NDUFAF2: variants seen among roughly 807,000 people sequenced by gnomAD.
NDUFAF2 encodes the protein NADH dehydrogenase [ubiquinone] 1 alpha subcomplex assembly factor 2.
Under a neutral mutation model 22.8 loss-of-function variants are expected in NDUFAF2, and 13 were observed. The observed-to-expected ratio is 0.57, with a 90% CI of 0.37 to 0.91. The LOEUF (loss-of-function observed/expected upper bound fraction) is 0.91. Among genes scored for constraint, NDUFAF2 ranks in the 40% least tolerant of loss-of-function variants. NDUFAF2 has a pLI of 0.01. For synonymous variants in NDUFAF2, 53 were observed against 64.2 expected (o/e 0.83, Z 0.84); for missense variants, 162 against 195.2 (o/e 0.83, Z 1.01).
chr5:61,111,071 C>G (rs1194434321), intron 3 of NDUFAF2, among the ~76,000 whole-genome samples: 1 of 152,118 alleles, frequency 6.6e-6, no homozygotes, highest in Non-Finnish European at 1.5e-5. Context: ...TCTTCATTGA[C>G]CCACTGATCT....
rs778036837 is a variant in NDUFAF2, at chr5:61,152,692, A to G, written c.259-12A>G. 3 of 1,498,346 alleles carry G rather than the reference A, an allele frequency of 2.0e-6. No homozygotes were observed. Among genetic ancestry groups the G allele is most frequent in the African/African-American group, 1.4e-5 (1 of 70,114 alleles). The allele number at this position is 1,498,346 out of a possible 1,614,324, so 92.8% of individuals were successfully genotyped here. ...AAATTTAATAATTTCTTCCATTTATATATACATGCAGGAAATACTAAAGAA... is the reference window on the plus strand; with the variant it reads ...AAATTTAATAATTTCTTCCATTTATGTATACATGCAGGAAATACTAAAGAA... On this transcript the variant is annotated splice_polypyrimidine_tract_variant and intron_variant, in intron 3 of 3. Transcript: ENST00000296597.
intron 2 of NDUFAF2, among the ~76,000 whole-genome samples, chr5:61,084,528 T>G (rs1261683858): frequency 6.6e-6 from 1 of 152,220 alleles, no homozygotes. Flanking sequence ...TCCCTATGAA[T>G]CTGACTACTC....
At chr5:61,095,323 A>T (rs1232090405) in intron 2 of NDUFAF2, among the ~76,000 whole-genome samples, 1 of 152,174 alleles carries the variant, frequency 6.6e-6, no homozygotes, top group African/African-American at 2.4e-5. Context: ...CAAAGTTCAC[A>T]GGTTGGAACT....
intron 1 of NDUFAF2, among the ~76,000 whole-genome samples, chr5:61,038,027 G>A (rs1454221384): frequency 1.4e-5 from 2 of 144,038 alleles, no homozygotes; most frequent in Non-Finnish European, 3.0e-5. Flanking sequence ...ATTGAATATG[G>A]GTGATGGGAG....
chr5:61,151,882 G>A (rs1741245424), intron 3 of NDUFAF2, among the ~76,000 whole-genome samples: 1 of 152,122 alleles, frequency 6.6e-6, no homozygotes, highest in Non-Finnish European at 1.5e-5. Flanking sequence ...TTACTGTATT[G>A]CATTTATTTT....
intron 2 of NDUFAF2, among the ~76,000 whole-genome samples, chr5:61,085,666 G>C (rs1335425102): frequency 6.6e-6 from 1 of 152,042 alleles, no homozygotes; most frequent in East Asian, 1.9e-4. Context: ...AACTTTTCAA[G>C]ATACAGGGGA....
chr5:60,960,328 C>T (rs543355007), intron 1 of NDUFAF2, among the ~76,000 whole-genome samples: 5 of 152,122 alleles, frequency 3.3e-5, no homozygotes, highest in Admixed American at 6.5e-5. Context: ...TGTTGTGACT[C>T]GCTGTATTTG....
chr5:61,011,424 T>A (rs927800122), intron 1 of NDUFAF2, among the ~76,000 whole-genome samples: 1 of 152,036 alleles, frequency 6.6e-6, no homozygotes, highest in East Asian at 1.9e-4. Flanking sequence ...CTGGCAGTGG[T>A]TTTAGTTGGG....
chr5:60,969,285 C>T (rs1371528660), intron 1 of NDUFAF2, among the ~76,000 whole-genome samples: 3 of 152,070 alleles, frequency 2.0e-5, no homozygotes, highest in Non-Finnish European at 4.4e-5. Context: ...GAGGAAACTC[C>T]AAACTGTTAT....
intron 1 of NDUFAF2, among the ~76,000 whole-genome samples, chr5:60,971,144 G>GTT (rs113992508): frequency 4.5e-4 from 66 of 147,714 alleles, no homozygotes; most frequent in Admixed American, 1.4e-3. Context: ...TTCTTTTTTC[G>GTT]TTTTTTTTTT....
intron 1 of NDUFAF2, among the ~76,000 whole-genome samples, chr5:60,946,544 A>G (rs1580060960): frequency 6.6e-6 from 1 of 152,230 alleles, no homozygotes; most frequent in Non-Finnish European, 1.5e-5. Flanking sequence ...TGCAAAGAAC[A>G]TAGCATGGTG....
intron 1 of NDUFAF2, among the ~76,000 whole-genome samples, chr5:61,020,614 G>T (rs758150121): frequency 6.6e-6 from 1 of 151,398 alleles, no homozygotes; most frequent in African/African-American, 2.4e-5. Flanking sequence ...ATGAGGTCTC[G>T]CTGTGTTGCC....
At chr5:60,982,686 G>C (rs1391312642) in intron 1 of NDUFAF2, among the ~76,000 whole-genome samples, 4 of 151,700 alleles carry the variant, frequency 2.6e-5, no homozygotes, top group Admixed American at 2.6e-4. Flanking sequence ...TACTGAGAAT[G>C]ATGGTTTCCA....
intron 3 of NDUFAF2, among the ~76,000 whole-genome samples, chr5:61,112,386 G>T (rs1561568734): frequency 6.6e-6 from 1 of 151,796 alleles, no homozygotes. Flanking sequence ...GCTAATTTTT[G>T]TATTTTTAGT....
At chr5:61,026,916 T>C (rs1751657249) in intron 1 of NDUFAF2, among the ~76,000 whole-genome samples, 1 of 151,882 alleles carries the variant, frequency 6.6e-6, no homozygotes, top group Non-Finnish European at 1.5e-5. Context: ...CTTAGGAGTG[T>C]GTTCATTGTT....
In NDUFAF2 at chr5:61,067,859, G is replaced by A. The variant is rs976290857; in HGVS notation, c.128-5266G>A. Among the ~76,000 whole-genome samples, 6 of 152,000 alleles carry A rather than the reference G, an allele frequency of 3.9e-5. No homozygotes were observed. In the East Asian group the frequency reaches 5.8e-4, roughly 15 times the overall value. On this transcript the variant is annotated intron_variant, in intron 1 of 3. Coordinates refer to ENST00000296597, the MANE Select transcript of NDUFAF2 (RefSeq NM_174889.5). ...TTTTTAATGATTGCCATTCTAACTG[G>A]TGTGAGATGGTATCTCACTGTGGTT...
chr5:60,954,139 A>G (rs995590087), intron 1 of NDUFAF2, among the ~76,000 whole-genome samples: 3 of 152,182 alleles, frequency 2.0e-5, no homozygotes, highest in African/African-American at 7.2e-5. Flanking sequence ...GGTCACCATG[A>G]TACCCATATC....
chr5:61,144,616 G>A lies in NDUFAF2; in HGVS notation c.259-8088G>A, dbSNP rs1230028744. Among the ~76,000 whole-genome samples the A allele has an allele frequency of 3.3e-5, 5 of 152,262 alleles. No homozygotes were observed. The South Asian group carries it at 1.0e-3, about 32-fold the overall frequency. On this transcript the variant is annotated intron_variant, in intron 3 of 3. Transcript: ENST00000296597. ...CAGAGAAGCAGAATGGTGGATACCT[G>A]AGGTTGAAAACTCTTTGGGTAACCT...
intron 1 of NDUFAF2, among the ~76,000 whole-genome samples, chr5:60,966,122 G>T (rs1273903598): frequency 6.6e-6 from 1 of 152,132 alleles, no homozygotes; most frequent in African/African-American, 2.4e-5. Flanking sequence ...GATGATGATT[G>T]ATGTTGAATA....
Sources: allele counts gnomAD v4.1 joint callset (sites outside exome capture counted in the v4.1 genomes callset), GRCh38; gene constraint gnomAD v4.1.1; transcripts MANE v1.5; gene names NCBI Gene and HGNC (gene_info 2026-07-23, HGNC 2026-07-21).